The following COL26A1 variants were observed in gnomAD, a reference collection of about 807,000 sequenced individuals.
The protein encoded by COL26A1 is collagen type XXVI alpha 1 chain, also known as collagen alpha-1(XXVI) chain.
Under a neutral mutation model 59.3 loss-of-function variants are expected in COL26A1, and 41 were observed. The ratio of observed to expected loss-of-function variants is 0.69; its 90% CI spans 0.54 to 0.90. The LOEUF is 0.90. Ranked by LOEUF, COL26A1 falls within the 40% of genes least tolerant of loss-of-function variation. COL26A1 has a pLI of 0.00. For synonymous variants in COL26A1, 266 were observed against 256.0 expected, an observed-to-expected ratio of 1.04 and a Z score of -0.37; for missense variants, 612 against 602.3, an observed-to-expected ratio of 1.02 and a Z score of -0.17.
At chr7:101,553,213 GC>G in intron 10 of COL26A1, 112 bp from the exon 11 acceptor site, 1 of 937,502 alleles carries the variant, frequency 1.1e-6, no homozygotes, top group Non-Finnish European at 1.7e-6. Context: ...CGTTTCCCAG[GC>G]CCTGCCTGCC....
intron 3 of COL26A1, among the ~76,000 whole-genome samples, chr7:101,477,322 T>A (rs1794070948): frequency 6.6e-6 from 1 of 152,136 alleles, no homozygotes; most frequent in African/African-American, 2.4e-5. Context: ...TGATACATGG[T>A]CATGTTTGTG....
chr7:101,475,078 C>T (rs1794000715), intron 3 of COL26A1, among the ~76,000 whole-genome samples: 1 of 152,108 alleles, frequency 6.6e-6, no homozygotes, highest in African/African-American at 2.4e-5. Flanking sequence ...TGCCTGTATT[C>T]CCAGCTACTC....
intron 3 of COL26A1, among the ~76,000 whole-genome samples, chr7:101,478,244 G>A (rs190699410): frequency 3.3e-5 from 5 of 152,256 alleles, no homozygotes; most frequent in Admixed American, 6.5e-5. Flanking sequence ...GCCTCCCAGC[G>A]TGCTGGGATT....
chr7:101,500,879 G>C (rs941749025), intron 3 of COL26A1, among the ~76,000 whole-genome samples: 1 of 151,826 alleles, frequency 6.6e-6, no homozygotes, highest in African/African-American at 2.4e-5. Context: ...TTGTCTAAAT[G>C]AGGTTGTTAG....
chr7:101,484,034 T>TGTGTGTGTGTGTGTGG, intron 3 of COL26A1, among the ~76,000 whole-genome samples: 1 of 147,820 alleles, frequency 6.8e-6, no homozygotes, highest in African/African-American at 2.5e-5. Flanking sequence ...TGTGTGTGTG[T>TGTGTGTGTGTGTGTGG]AGACAAGGTC....
chr7:101,502,888 C>CT (rs1240633371), intron 3 of COL26A1, among the ~76,000 whole-genome samples: 4 of 152,202 alleles, frequency 2.6e-5, no homozygotes, highest in Non-Finnish European at 1.5e-5. Context: ...AGCTCATTCT[C>CT]TAAGGGGCGG....
At chr7:101,514,739 G>A (rs11972723) in intron 3 of COL26A1, among the ~76,000 whole-genome samples, 1,539 of 152,340 alleles carry the variant, frequency 0.01, 31 homozygotes, top group African/African-American at 0.035. Context: ...GAAGGAGAAA[G>A]GGGATGTGGG....
intron 3 of COL26A1, among the ~76,000 whole-genome samples, chr7:101,475,824 C>CTCTCTCTT (rs1794024323): frequency 1.4e-5 from 2 of 142,384 alleles, no homozygotes; most frequent in African/African-American, 2.6e-5. Flanking sequence ...TTCTTTCTCT[C>CTCTCTCTT]TCTTTCTCTC....
intron 3 of COL26A1, among the ~76,000 whole-genome samples, chr7:101,485,621 C>G (rs1455181777): frequency 6.6e-6 from 1 of 152,034 alleles, no homozygotes; most frequent in Non-Finnish European, 1.5e-5. Flanking sequence ...CCTTTGTTTA[C>G]CTGCCGTCAT....
chr7:101,500,432 C>T (rs989006501), intron 3 of COL26A1, among the ~76,000 whole-genome samples: 10 of 152,244 alleles, frequency 6.6e-5, no homozygotes, highest in South Asian at 4.1e-4. Flanking sequence ...TTGGAGACCA[C>T]CTCCCAACTT....
At chr7:101,444,414 C>T (rs1793135465) in intron 2 of COL26A1, among the ~76,000 whole-genome samples, 2 of 128,344 alleles carry the variant, frequency 1.6e-5, no homozygotes, top group South Asian at 2.7e-4. Context: ...TCCTTCCTTT[C>T]TTCTTTTTTT....
chr7:101,473,172 T>C (rs1009316364), intron 3 of COL26A1, among the ~76,000 whole-genome samples: 2 of 151,926 alleles, frequency 1.3e-5, no homozygotes, highest in African/African-American at 4.8e-5. Context: ...CTCCACCTCC[T>C]GGGTTCACGC....
At chr7:101,527,861 C>T (rs911065572) in intron 3 of COL26A1, among the ~76,000 whole-genome samples, 1 of 152,152 alleles carries the variant, frequency 6.6e-6, no homozygotes, top group African/African-American at 2.4e-5. Context: ...TTAGCGACCA[C>T]ATCGTAGAGT....
chr7:101,433,446 G>C (rs539439540), intron 2 of COL26A1, among the ~76,000 whole-genome samples: 101 of 152,268 alleles, frequency 6.6e-4, no homozygotes, highest in African/African-American at 2.2e-3. Flanking sequence ...CTTAGGAGGG[G>C]AGGCAGGTGT....
At chr7:101,387,704 TG>T (rs1455826539) in intron 1 of COL26A1, among the ~76,000 whole-genome samples, 5 of 140,708 alleles carry the variant, frequency 3.6e-5, no homozygotes, top group Non-Finnish European at 6.1e-5. Context: ...ATATATATAT[TG>T]TAATATTTTT....
At chr7:101,490,818 G>A (rs569120390) in intron 3 of COL26A1, among the ~76,000 whole-genome samples, 2 of 152,212 alleles carry the variant, frequency 1.3e-5, no homozygotes, top group South Asian at 4.2e-4. Context: ...GGACAACATG[G>A]TGAAACGCTG....
intron 3 of COL26A1, among the ~76,000 whole-genome samples, chr7:101,465,785 A>T (rs1365440139): frequency 6.6e-6 from 1 of 151,916 alleles, no homozygotes; most frequent in African/African-American, 2.4e-5. Flanking sequence ...GCCCCTTCCC[A>T]TGTAACCGGA....
chr7:101,527,272 G>GCTCT lies in COL26A1; in HGVS notation c.386-5801_386-5798dup, dbSNP rs576929856. Among the ~76,000 whole-genome samples, 1,106 of 151,478 alleles carry GCTCT rather than the reference G, an allele frequency of 7.3e-3. 9 individuals carry two copies. The highest frequency in any genetic ancestry group is 0.014 in the Middle Eastern group (4 of 294). On this transcript the variant is annotated intron_variant, in intron 3 of 12. Transcript: ENST00000313669. ...ACGCATGAGCCACCCCACCTGGCCTGCTCTCTCTCTCTATGTCTCTGTCTG... is the reference window on the plus strand; with the variant it reads ...ACGCATGAGCCACCCCACCTGGCCTGCTCTCTCTCTCTCTCTATGTCTCTGTCTG...
chr7:101,492,766 G>T (rs1219421567), intron 3 of COL26A1, among the ~76,000 whole-genome samples: 1 of 151,486 alleles, frequency 6.6e-6, no homozygotes, highest in Non-Finnish European at 1.5e-5. Context: ...TAGAGATGGG[G>T]TCTTGTTCTG....
Sources: gnomAD v4.1 joint callset for allele counts (sites outside exome capture counted in the v4.1 genomes callset) on GRCh38, gnomAD v4.1.1 for gene constraint, MANE v1.5 for transcripts, NCBI Gene and HGNC (gene_info 2026-07-23, HGNC 2026-07-21) for gene names.